The following PARD3B variants were observed in gnomAD, a reference collection of about 807,000 sequenced individuals.
PARD3B encodes partitioning defective 3 homolog B.
In PARD3B, 103 loss-of-function variants were observed where a neutral mutation model predicts 130.2. The observed-to-expected ratio is 0.79, with a 90% CI of 0.67 to 0.93. The LOEUF (loss-of-function observed/expected upper bound fraction) is 0.93, where lower values mean the gene tolerates loss of function less well. Among genes scored for constraint, PARD3B ranks in the 40% least tolerant of loss-of-function variants. The probability of loss-of-function intolerance (pLI) is 0.00; values close to 1 mark genes in which losing one functional copy is unlikely to be tolerated. For synonymous variants in PARD3B, 583 were observed against 553.2 expected, an observed-to-expected ratio of 1.05 and a Z score of -0.76; for missense variants, 1,609 against 1,499.2, an observed-to-expected ratio of 1.07 and a Z score of -1.21.
chr2:204,684,064 G>A (rs2036964210), intron 1 of PARD3B, among the ~76,000 whole-genome samples: 1 of 151,988 alleles, frequency 6.6e-6, no homozygotes, highest in South Asian at 2.1e-4. Flanking sequence ...CCTATCTTTG[G>A]CTATTTTTTG....
rs550656966 is a variant in PARD3B at position 205,497,772 on chromosome 2, A to C, written c.3045-2124A>C. 3.6e-4 allele frequency among the ~76,000 whole-genome samples: 55 copies of C among 152,226 alleles called. No individual in the cohort carries two copies. The South Asian group carries it at 0.011, about 32-fold the overall frequency. On this transcript the variant is annotated intron_variant, in intron 20 of 22. Transcript: ENST00000406610. ...CCCAAATGCTACAGTAGTGATCCTC[A>C]CATACCCGTGAAACATAAGTGTCAT... is the stretch of plus-strand genomic sequence containing the variant.
chr2:204,938,408 G>C (rs945576824), intron 2 of PARD3B, among the ~76,000 whole-genome samples: 1 of 152,144 alleles, frequency 6.6e-6, no homozygotes, highest in South Asian at 2.1e-4. Flanking sequence ...AATTCCACCC[G>C]TAGGGTTCTT....
At chr2:205,204,477 G>A (rs1233562901) in intron 15 of PARD3B, among the ~76,000 whole-genome samples, 1 of 152,030 alleles carries the variant, frequency 6.6e-6, no homozygotes, top group Non-Finnish European at 1.5e-5. Flanking sequence ...GTCAATTTTG[G>A]CTTTTGTTGC....
chr2:205,379,335 A>C (rs1479450373), intron 18 of PARD3B, among the ~76,000 whole-genome samples: 1 of 152,142 alleles, frequency 6.6e-6, no homozygotes, highest in African/African-American at 2.4e-5. Flanking sequence ...TCTGAGTTTC[A>C]TGGGATTGGC....
chr2:205,002,915 G>T (rs1242056468), intron 3 of PARD3B, among the ~76,000 whole-genome samples: 1 of 152,144 alleles, frequency 6.6e-6, no homozygotes, highest in Admixed American at 6.5e-5. Flanking sequence ...CCATGTGCTG[G>T]GTGGGAGAAA....
chr2:205,117,916 T>TACACACACACACACACACACATACACAC (rs1221239466), intron 6 of PARD3B, among the ~76,000 whole-genome samples: 20 of 20,430 alleles, frequency 9.8e-4, no homozygotes, highest in Middle Eastern at 0.026. Context: ...TGTATGTGTG[T>TACACACACACACACACACACATACACAC]ACACACACAC....
intron 18 of PARD3B, among the ~76,000 whole-genome samples, chr2:205,394,699 G>A (rs1434503278): frequency 1.3e-5 from 2 of 152,188 alleles, no homozygotes; most frequent in Non-Finnish European, 2.9e-5. Context: ...CAACAAAGAT[G>A]AGTCCTGAAG....
At chr2:205,573,225 A>G (rs966336501) in intron 22 of PARD3B, among the ~76,000 whole-genome samples, 1 of 152,176 alleles carries the variant, frequency 6.6e-6, no homozygotes, top group African/African-American at 2.4e-5. Context: ...ACCAAGCCAT[A>G]TCAGTGGGGA....
chr2:205,145,456 G>A (rs1226770485), intron 10 of PARD3B, among the ~76,000 whole-genome samples: 1 of 152,168 alleles, frequency 6.6e-6, no homozygotes, highest in African/African-American at 2.4e-5. Context: ...TTAAAAGCCA[G>A]CATGAGGCAG....
At chr2:205,185,592 C>A (rs2036050879) in intron 13 of PARD3B, among the ~76,000 whole-genome samples, 172 bp from the exon 14 acceptor site, 1 of 152,174 alleles carries the variant, frequency 6.6e-6, no homozygotes, top group Admixed American at 6.5e-5. Flanking sequence ...TTTCCTCATA[C>A]AAGCAGTATT....
In PARD3B at chr2:205,407,693, A is replaced by C. The variant is rs531572966; in HGVS notation, c.2741+6570A>C. On this transcript the variant is annotated intron_variant, in intron 19 of 22. Transcript: ENST00000406610. The surrounding 1 kb of genome is among the most constrained non-coding windows in gnomAD (Gnocchi z 4.1). ...ATGTCCCCCTCCTCATCATTAATTT[A>C]GTATTACTATCCTGAGAAAAATATC... 6.6e-6 allele frequency among the ~76,000 whole-genome samples: 1 copy of C among 152,326 alleles called. No individual in the cohort carries two copies. Among genetic ancestry groups the C allele is most frequent in the South Asian group, 2.1e-4 (1 of 4,828 alleles).
chr2:205,015,477 G>A lies in PARD3B; in HGVS notation c.395-32104G>A, dbSNP rs548988175. Among the ~76,000 whole-genome samples the A allele has an allele frequency of 3.3e-5, 5 of 152,266 alleles. No homozygotes were observed. The highest frequency in any genetic ancestry group is 5.9e-5 in the Non-Finnish European group (4 of 68,012). On this transcript the variant is annotated intron_variant, in intron 3 of 22. Coordinates refer to ENST00000406610, the MANE Select transcript of PARD3B (RefSeq NM_001302769.2). This position sits in a 1 kb window ranked among gnomAD's most constrained non-coding sequence, Gnocchi z 4.5. ...ATTTCTCCTTGGCAAGATGCAGACCGAGTTCCTAGAAGATAGGGATGATGT... is the reference window on the plus strand; with the variant it reads ...ATTTCTCCTTGGCAAGATGCAGACCAAGTTCCTAGAAGATAGGGATGATGT...
intron 3 of PARD3B, among the ~76,000 whole-genome samples, chr2:204,977,055 GT>G (rs1486170866): frequency 6.6e-6 from 1 of 152,072 alleles, no homozygotes; most frequent in African/African-American, 2.4e-5. Flanking sequence ...TTAAATTTTG[GT>G]TTTTCTCTCT....
intron 21 of PARD3B, among the ~76,000 whole-genome samples, chr2:205,531,725 T>G (rs1368020613): frequency 2.6e-5 from 4 of 152,108 alleles, no homozygotes; most frequent in East Asian, 1.9e-4. Flanking sequence ...TATATCATTT[T>G]ATCGTCTTCC....
chr2:205,411,083 T>C (rs1010300050), intron 19 of PARD3B, among the ~76,000 whole-genome samples: 17 of 152,144 alleles, frequency 1.1e-4, no homozygotes, highest in African/African-American at 3.9e-4. Context: ...ACATTTTTAG[T>C]TACCATACTA....
chr2:205,029,826 G>T (rs959409654), intron 3 of PARD3B, among the ~76,000 whole-genome samples: 1 of 152,158 alleles, frequency 6.6e-6, no homozygotes, highest in African/African-American at 2.4e-5. Context: ...CTGTGGAAGT[G>T]TATTACCAGA....
At chr2:204,950,606 C>T (rs1031811560) in intron 2 of PARD3B, among the ~76,000 whole-genome samples, 4 of 152,192 alleles carry the variant, frequency 2.6e-5, no homozygotes, top group Non-Finnish European at 4.4e-5. Flanking sequence ...TGGAAAGAAA[C>T]TGAGATGTTA....
At chr2:205,009,294 A>T (rs2125303751) in intron 3 of PARD3B, among the ~76,000 whole-genome samples, 1 of 152,290 alleles carries the variant, frequency 6.6e-6, no homozygotes, top group African/African-American at 2.4e-5. Flanking sequence ...ATTAATTGAT[A>T]TTGAGTCTTA....
At chr2:205,439,844 G>A (rs1224152292) in intron 19 of PARD3B, among the ~76,000 whole-genome samples, 1 of 152,090 alleles carries the variant, frequency 6.6e-6, no homozygotes, top group Admixed American at 6.6e-5. Flanking sequence ...TGATCCCACT[G>A]CTTTTAGTGA....
Sources: allele counts gnomAD v4.1 joint callset (sites outside exome capture counted in the v4.1 genomes callset), GRCh38; gene constraint gnomAD v4.1.1; non-coding constraint Gnocchi (gnomAD v3.1); transcripts MANE v1.5; gene names NCBI Gene and HGNC (gene_info 2026-07-23, HGNC 2026-07-21).